MALRD1: variants seen among roughly 807,000 people sequenced by gnomAD.
The protein encoded by MALRD1 is MAM and LDL-receptor class A domain-containing protein 1.
In MALRD1, 247 loss-of-function variants were observed where a neutral mutation model predicts 242.1. That is an observed-to-expected ratio of 1.02 (90% CI 0.92 to 1.13). The LOEUF (loss-of-function observed/expected upper bound fraction) is 1.13. Among genes scored for constraint, MALRD1 ranks in the 50% most tolerant of loss-of-function variants. The pLI, the probability that MALRD1 is intolerant of heterozygous loss-of-function variation, is 0.00. For synonymous variants in MALRD1, 995 were observed against 866.6 expected, an observed-to-expected ratio of 1.15 and a Z score of -2.60; for missense variants, 2,989 against 2,533.1, an observed-to-expected ratio of 1.18 and a Z score of -3.86.
At chr10:19,518,334 T>C (rs949904764) in intron 31 of MALRD1, among the ~76,000 whole-genome samples, 30 of 152,248 alleles carry the variant, frequency 2.0e-4, no homozygotes, top group Non-Finnish European at 3.1e-4. Flanking sequence ...TCAGTGTCCA[T>C]AAATAACTGT....
At chr10:19,084,242 C>G (rs1835591381) in intron 2 of MALRD1, among the ~76,000 whole-genome samples, 1 of 151,914 alleles carries the variant, frequency 6.6e-6, no homozygotes, top group Non-Finnish European at 1.5e-5. Flanking sequence ...AATAAATAGA[C>G]AGAAATTATC....
rs192985795 is a variant in MALRD1 at position 19,469,032 on chromosome 10, A to G, written c.5029+18542A>G. ...TACATATAAAAATCTTTTGAGGAAC[A>G]TAAAATACTATTTCTGCCTGGGCCC... On this transcript the variant is annotated intron_variant, in intron 29 of 39. Coordinates refer to ENST00000454679, the MANE Select transcript of MALRD1 (RefSeq NM_001142308.3). Among the ~76,000 whole-genome samples the G allele has an allele frequency of 1.5e-3, 224 of 152,218 alleles. 3 individuals carry two copies. Among genetic ancestry groups the G allele is most frequent in the Middle Eastern group, 3.4e-3 (1 of 294 alleles).
At chr10:19,144,380 C>G (rs774727268) in intron 10 of MALRD1, among the ~76,000 whole-genome samples, 25 of 152,176 alleles carry the variant, frequency 1.6e-4, no homozygotes, top group Non-Finnish European at 3.2e-4. Context: ...CTATGACTGT[C>G]TAACAAGCAC....
chr10:19,655,530 G>GTATATATA lies in MALRD1; in HGVS notation c.6138-36718_6138-36711dup, dbSNP rs56752723. On this transcript the variant is annotated intron_variant, in intron 36 of 39. Transcript: ENST00000454679. ...TGTGTGTACATATATATGTGTGAGTGTATATATATATATATATATATATAT... is the reference window on the plus strand; with the variant it reads ...TGTGTGTACATATATATGTGTGAGTGTATATATATATATATATATATATATATATATAT... Among the ~76,000 whole-genome samples the GTATATATA allele has an allele frequency of 5.6e-4, 61 of 108,822 alleles. 2 individuals carry two copies. The highest frequency in any genetic ancestry group is 1.1e-3 in the East Asian group (4 of 3,710). The allele number at this position is 108,822 out of a possible 152,430, so 71.4% of individuals were successfully genotyped here.
chr10:19,397,198 A>C (rs575781237), intron 28 of MALRD1, among the ~76,000 whole-genome samples: 1 of 152,242 alleles, frequency 6.6e-6, no homozygotes, highest in Non-Finnish European at 1.5e-5. Flanking sequence ...ACTTATTCCT[A>C]CTAACTGTAA....
chr10:19,352,809 G>C (rs1564586917), intron 26 of MALRD1, among the ~76,000 whole-genome samples: 2 of 152,108 alleles, frequency 1.3e-5, no homozygotes, highest in African/African-American at 2.4e-5. Context: ...TTTGTTGAAA[G>C]AATTTTACTC....
At chr10:19,173,682 T>G (rs964508890) in intron 13 of MALRD1, among the ~76,000 whole-genome samples, 2 of 152,198 alleles carry the variant, frequency 1.3e-5, no homozygotes, top group East Asian at 3.8e-4. Context: ...TTGCTGCGAT[T>G]GCTGCCTCAG....
chr10:19,363,345 A>G (rs1315924139), intron 26 of MALRD1, among the ~76,000 whole-genome samples: 2 of 151,996 alleles, frequency 1.3e-5, no homozygotes, highest in East Asian at 3.9e-4. Context: ...GAAAACAGAC[A>G]TAGAGAGACC....
At chr10:19,660,945 T>C (rs1396055988) in intron 36 of MALRD1, among the ~76,000 whole-genome samples, 1 of 152,048 alleles carries the variant, frequency 6.6e-6, no homozygotes, top group Non-Finnish European at 1.5e-5. Flanking sequence ...ATTTTTGTTT[T>C]GTAACAACCC....
chr10:19,331,242 C>T, intron 23 of MALRD1, 127 bp from the exon 24 acceptor site: 1 of 805,716 alleles, frequency 1.2e-6, no homozygotes, highest in Admixed American at 2.8e-5. Flanking sequence ...ACATAAAAAA[C>T]AAAAACAAAA....
chr10:19,097,979 G>C (rs1335415948), intron 4 of MALRD1, among the ~76,000 whole-genome samples: 2 of 152,086 alleles, frequency 1.3e-5, no homozygotes, highest in African/African-American at 4.8e-5. Flanking sequence ...GGAACACCCT[G>C]CTCTGTCTAT....
intron 1 of MALRD1, among the ~76,000 whole-genome samples, chr10:19,052,704 A>AC (rs35763766): frequency 0.09 from 13,721 of 151,788 alleles, 843 homozygotes; most frequent in East Asian, 0.22. Context: ...CTTTGCCTGC[A>AC]CCCCTGGTTT....
rs1483679697 is a variant in MALRD1 at position 19,607,813 on chromosome 10, C to T, written c.5981C>T (p.Ala1994Val). The change falls in exon 35 of 40, where the codon GCC becomes GTC. Residue 1994 changes from alanine to valine, a missense_variant. Transcript: ENST00000454679. ...TGTTCTAATGGAGCTCTGGTGTGTG[C>T]CTCCTCCAACAGCTGTATCCCAGCC... ...KSCSNGALVCASSNSCIPAHQ... is the reference protein window; with the variant it reads ...KSCSNGALVCVSSNSCIPAHQ... 6.5e-7 allele frequency: 1 copy of T among 1,549,292 alleles called. No individual in the cohort carries two copies. The highest frequency in any genetic ancestry group is 8.7e-7 in the Non-Finnish European group (1 of 1,146,434).
chr10:19,095,495 C>T (rs1254502521), intron 4 of MALRD1, among the ~76,000 whole-genome samples: 1 of 152,188 alleles, frequency 6.6e-6, no homozygotes, highest in Non-Finnish European at 1.5e-5. Flanking sequence ...CATCTTAAGC[C>T]ATCAGGCACT....
intron 22 of MALRD1, 38 bp from the exon 23 acceptor site, chr10:19,327,525 A>T: frequency 6.8e-7 from 1 of 1,481,188 alleles, no homozygotes. Flanking sequence ...TCTCAAGATA[A>T]AATACTTCAG....
At chr10:19,652,203 G>A (rs1447556454) in intron 36 of MALRD1, among the ~76,000 whole-genome samples, 1 of 152,194 alleles carries the variant, frequency 6.6e-6, no homozygotes, top group Non-Finnish European at 1.5e-5. Context: ...AAAAGCAAGT[G>A]TCAGGTGTGT....
At chr10:19,243,002 T>C (rs1177517010) in intron 18 of MALRD1, among the ~76,000 whole-genome samples, 1 of 152,022 alleles carries the variant, frequency 6.6e-6, no homozygotes, top group African/African-American at 2.4e-5. Flanking sequence ...CTTCTTCCTT[T>C]CTTATTGTTT....
chr10:19,285,733 C>A (rs1334143903), intron 21 of MALRD1, among the ~76,000 whole-genome samples: 1 of 120,408 alleles, frequency 8.3e-6, no homozygotes, highest in Non-Finnish European at 1.7e-5. Flanking sequence ...CTTGGCGATG[C>A]GGGCTCTTTT....
At chr10:19,602,347 C>G in intron 34 of MALRD1, among the ~76,000 whole-genome samples, 1 of 124,480 alleles carries the variant, frequency 8.0e-6, no homozygotes, top group South Asian at 2.7e-4. Context: ...CCTCCCCCCT[C>G]CCCCCACCCT....
Sources: gnomAD v4.1 joint callset for allele counts (sites outside exome capture counted in the v4.1 genomes callset) on GRCh38, gnomAD v4.1.1 for gene constraint, MANE v1.5 for transcripts, NCBI Gene and HGNC (gene_info 2026-07-23, HGNC 2026-07-21) for gene names.